PCDHGA7: variants seen among roughly 807,000 people sequenced by gnomAD.
The protein encoded by PCDHGA7 is protocadherin gamma subfamily A, 7.
A neutral mutation model predicts 58.3 loss-of-function variants in PCDHGA7; 44 were observed. The observed-to-expected ratio is 0.75, with a 90% confidence interval of 0.59 to 0.97. The LOEUF is 0.97. PCDHGA7 is among the 50% of genes least tolerant of loss of function. The pLI is 0.00. For missense variants in PCDHGA7, 1,266 were observed against 1,188.7 expected, an observed-to-expected ratio of 1.06 and a Z score of -0.96; for synonymous variants, 516 against 504.2, an observed-to-expected ratio of 1.02 and a Z score of -0.31.
In PCDHGA7 at chr5:141,487,608, G is replaced by T; in HGVS notation, c.2425-7199G>T. 1 of 1,614,182 alleles carries T rather than the reference G, an allele frequency of 6.2e-7. No individual in the cohort carries two copies. The highest frequency in any genetic ancestry group is 8.5e-7 in the Non-Finnish European group (1 of 1,180,042). On this transcript the variant is annotated intron_variant, in intron 1 of 3. Coordinates refer to ENST00000518325, the MANE Select transcript of PCDHGA7 (RefSeq NM_018920.4). The surrounding 1 kb of genome is among the most constrained non-coding windows in gnomAD (Gnocchi z 5.0). ...TGCCCACCCTCTGATCTTCTCTATG[G>T]GCTAGAGGTGAGACCTTTGCAGGCT...
At chr5:141,413,708 C>G in intron 1 of PCDHGA7, 1 of 1,613,664 alleles carries the variant, frequency 6.2e-7, no homozygotes, top group African/African-American at 1.3e-5. Flanking sequence ...CAGCTCAGCC[C>G]CAATAAGCAC....
rs999687684 is a variant in PCDHGA7, at chr5:141,431,598, C to T, written c.2424+46275C>T. 1 of 1,614,192 alleles carries T rather than the reference C, an allele frequency of 6.2e-7. No homozygotes were observed. The highest frequency in any genetic ancestry group is 8.5e-7 in the Non-Finnish European group (1 of 1,180,046). ...GGAGTCAATGCGGAAGTGAGGTATT[C>T]CTTCCGGTATGTGGACGACAAGGCG... is the stretch of plus-strand genomic sequence containing the variant. On this transcript the variant is annotated intron_variant, in intron 1 of 3. Coordinates refer to ENST00000518325, the MANE Select transcript of PCDHGA7 (RefSeq NM_018920.4). This position sits in a 1 kb window ranked among gnomAD's most constrained non-coding sequence, Gnocchi z 4.8.
chr5:141,491,648 T>G lies in PCDHGA7; in HGVS notation c.2425-3159T>G, dbSNP rs756792762. 1 of 1,613,834 alleles carries G rather than the reference T, an allele frequency of 6.2e-7. No individual in the cohort carries two copies. Among genetic ancestry groups the G allele is most frequent in the Non-Finnish European group, 8.5e-7 (1 of 1,180,002 alleles). On this transcript the variant is annotated intron_variant, in intron 1 of 3. Coordinates refer to ENST00000518325, the MANE Select transcript of PCDHGA7 (RefSeq NM_018920.4). This position sits in a 1 kb window ranked among gnomAD's most constrained non-coding sequence, Gnocchi z 6.9. Reference sequence around the variant, plus strand: ...GTTCAGCAGCCCACAGCTCTGGCGCTGGAGCCTGACGCCATCCGGTCCCGC... The same window carrying G: ...GTTCAGCAGCCCACAGCTCTGGCGCGGGAGCCTGACGCCATCCGGTCCCGC...
intron 1 of PCDHGA7, chr5:141,400,054 C>G: frequency 6.2e-7 from 1 of 1,613,622 alleles, no homozygotes; most frequent in Non-Finnish European, 8.5e-7. Flanking sequence ...GGTTGCTGTG[C>G]GTGATGGTGG....
chr5:141,426,488 T>G, intron 1 of PCDHGA7: 1 of 328,024 alleles, frequency 3.0e-6, no homozygotes, highest in Non-Finnish European at 6.1e-6. Context: ...AACCTTAGAG[T>G]TAGTGCAGAG....
rs1448897004 is a variant in PCDHGA7 at position 141,385,250 on chromosome 5, G to C, written c.2351G>C (p.Ser784Thr). ...NYVDMLISQE[S>T]CEKNDSLLTS... ...GTAGACATGCTCATCAGCCAGGAGA[G>C]CTGTGAGAAAAATGATTCTTTGCTA... The change falls in exon 1 of 4, where the codon AGC (serine) becomes ACC (threonine). Residue 784 changes from serine (S) to threonine (T), a missense_variant. Coordinates refer to ENST00000518325, the MANE Select transcript of PCDHGA7 (RefSeq NM_018920.4). 6.2e-7 allele frequency: 1 copy of C among 1,613,820 alleles called. No individual in the cohort carries two copies.
intron 1 of PCDHGA7, among the ~76,000 whole-genome samples, chr5:141,429,660 ATATAT>A (rs1388009014): frequency 1.3e-5 from 2 of 152,336 alleles, no homozygotes; most frequent in African/African-American, 4.8e-5. Flanking sequence ...CCAATTTAAA[ATATAT>A]TATTTTATTT....
chr5:141,508,723 G>A (rs941469412), intron 3 of PCDHGA7, among the ~76,000 whole-genome samples: 2 of 151,814 alleles, frequency 1.3e-5, no homozygotes, highest in African/African-American at 4.8e-5. Context: ...TGTGTGCAGG[G>A]AGACTACACC....
chr5:141,439,013 A>T lies in PCDHGA7; in HGVS notation c.2424+53690A>T, dbSNP rs2098082221. 1.3e-5 allele frequency among the ~76,000 whole-genome samples: 2 copies of T among 151,700 alleles called. 1 individual carries two copies. The highest frequency in any genetic ancestry group is 1.3e-4 in the Admixed American group (2 of 15,214). On this transcript the variant is annotated intron_variant, in intron 1 of 3. Transcript: ENST00000518325. ...GGCTAAGGACCTGGTTTGTTTGTCA[A>T]ATTTTGAAAATAGATGCCTCAGTTC...
Position 141,485,813 on chromosome 5 carries a change from G to A in PCDHGA7, c.2425-8994G>A. The A allele has an allele frequency of 1.9e-6, 3 of 1,614,078 alleles. No individual in the cohort carries two copies. Among genetic ancestry groups the A allele is most frequent in the Non-Finnish European group, 2.5e-6 (3 of 1,180,008 alleles). On this transcript the variant is annotated intron_variant, in intron 1 of 3. Coordinates refer to ENST00000518325, the MANE Select transcript of PCDHGA7 (RefSeq NM_018920.4). This position sits in a 1 kb window ranked among gnomAD's most constrained non-coding sequence, Gnocchi z 5.7. ...ATCGGACTACCGCCTGGTGCTGACT[G>A]CTGTCGATGGAGGGAACCCGCCGAG... is the stretch of plus-strand genomic sequence containing the variant.
intron 1 of PCDHGA7, chr5:141,433,097 G>C: frequency 6.2e-7 from 1 of 1,614,162 alleles, no homozygotes; most frequent in Non-Finnish European, 8.5e-7. Context: ...AGACATGCTC[G>C]TCAGCCAGGA....
intron 1 of PCDHGA7, chr5:141,409,675 AG>A (rs2095301185): frequency 1.9e-6 from 3 of 1,613,304 alleles, no homozygotes; most frequent in African/African-American, 2.7e-5. Flanking sequence ...CCTACTCTAT[AG>A]TGGCGAGTGA....
At chr5:141,418,717 C>G in intron 1 of PCDHGA7, 2 of 1,613,938 alleles carry the variant, frequency 1.2e-6, no homozygotes, top group Non-Finnish European at 1.7e-6. Context: ...GTGTGGCTGA[C>G]AAAGCTCAGC....
In PCDHGA7 at chr5:141,489,116, C is replaced by A; in HGVS notation, c.2425-5691C>A. Reference sequence around the variant, plus strand: ...TAAGAACTGCTGCAAGCAGGCAAACCTCCGAGCAGTTTTTAAGAGGCTGGA... The same window carrying A: ...TAAGAACTGCTGCAAGCAGGCAAACATCCGAGCAGTTTTTAAGAGGCTGGA... On this transcript the variant is annotated intron_variant, in intron 1 of 3. Transcript: ENST00000518325. The surrounding 1 kb of genome is among the most constrained non-coding windows in gnomAD (Gnocchi z 4.5). 3.7e-6 allele frequency: 2 copies of A among 536,398 alleles called. No homozygotes were observed. The highest frequency in any genetic ancestry group is 6.2e-6 in the Non-Finnish European group (2 of 322,530). 33.2% of individuals were successfully genotyped at this position (536,398 alleles called of 1,614,324 possible).
chr5:141,403,532 C>T (rs1313886103), intron 1 of PCDHGA7: 2 of 1,613,892 alleles, frequency 1.2e-6, no homozygotes, highest in African/African-American at 2.7e-5. Context: ...AAACCCAGAG[C>T]TGGTGCTGGA....
At chr5:141,391,707 C>T (rs1004180070) in intron 1 of PCDHGA7, 1 of 152,154 alleles carries the variant, frequency 6.6e-6, no homozygotes, top group African/African-American at 2.4e-5. Context: ...CCAGGCTGGT[C>T]TTGAAGGGAA....
At chr5:141,389,283 G>C in intron 1 of PCDHGA7, 1 of 1,614,022 alleles carries the variant, frequency 6.2e-7, no homozygotes. Flanking sequence ...CCCGCCTGGA[G>C]CCTCTATTTC....
chr5:141,397,961 G>C, intron 1 of PCDHGA7: 2 of 1,038,400 alleles, frequency 1.9e-6, no homozygotes, highest in Non-Finnish European at 2.7e-6. Context: ...CCCCAGCTCA[G>C]ACTCCCCAGC....
chr5:141,387,336 C>T (rs1351788377), intron 1 of PCDHGA7, among the ~76,000 whole-genome samples: 4 of 152,122 alleles, frequency 2.6e-5, no homozygotes, highest in African/African-American at 7.2e-5. Flanking sequence ...AATTACTGTA[C>T]TCTGAGACGG....
Sources: gnomAD v4.1 joint callset for allele counts (sites outside exome capture counted in the v4.1 genomes callset) on GRCh38, gnomAD v4.1.1 for gene constraint, Gnocchi (gnomAD v3.1) non-coding constraint, MANE v1.5 for transcripts, NCBI Gene and HGNC (gene_info 2026-07-23, HGNC 2026-07-21) for gene names.